Variants in MRAP2 observed in about 807,000 individuals in gnomAD.
MRAP2 encodes the protein melanocortin-2 receptor accessory protein 2.
Under a neutral mutation model 17.4 loss-of-function variants are expected in MRAP2, and 20 were observed. That is an observed-to-expected ratio of 1.15 (90% confidence interval 0.81 to 1.67). The LOEUF is 1.67. Ranked by LOEUF, MRAP2 falls within the 40% of genes most tolerant of loss-of-function variation. MRAP2 has a pLI of 0.00. For missense variants in MRAP2, 238 were observed against 240.0 expected, an observed-to-expected ratio of 0.99 and a Z score of 0.05; for synonymous variants, 96 against 88.4, an observed-to-expected ratio of 1.09 and a Z score of -0.48.
chr6:84,085,088 C>T (rs927029855), intron 3 of MRAP2, among the ~76,000 whole-genome samples: 9 of 151,818 alleles, frequency 5.9e-5, no homozygotes, highest in Admixed American at 2.0e-4. Flanking sequence ...CAGAGTCTCA[C>T]TCTGTCCCCA....
the MRAP2 span, among the ~76,000 whole-genome samples, chr6:84,144,304 C>T: frequency 6.6e-6 from 1 of 151,894 alleles, no homozygotes; most frequent in African/African-American, 2.4e-5. Context: ...AACAAATGTT[C>T]CAGAAGTTGT....
At chr6:84,120,265 T>G in the MRAP2 span, among the ~76,000 whole-genome samples, 1 of 152,204 alleles carries the variant, frequency 6.6e-6, no homozygotes, top group South Asian at 2.1e-4. Flanking sequence ...TGAGGATGGA[T>G]CTTCCTTACT....
At chr6:84,144,948 A>ATAAG in the MRAP2 span, among the ~76,000 whole-genome samples, 2 of 152,166 alleles carry the variant, frequency 1.3e-5, no homozygotes, top group Non-Finnish European at 2.9e-5. Context: ...AAATATTTGC[A>ATAAG]TAAGTTCAGT....
downstream of MRAP2, among the ~76,000 whole-genome samples, chr6:84,092,122 C>T (rs2099501872): frequency 6.6e-6 from 1 of 152,196 alleles, no homozygotes; most frequent in Non-Finnish European, 1.5e-5. Context: ...TTCCACTTTA[C>T]ATCTCTGTCT....
At chr6:84,125,019 C>T in the MRAP2 span, 1 of 1,348,090 alleles carries the variant, frequency 7.4e-7, no homozygotes, top group Non-Finnish European at 1.1e-6. Flanking sequence ...TGGCACAATC[C>T]CATCCATCTT....
At chr6:84,058,412 G>C (rs574721523) in intron 2 of MRAP2, among the ~76,000 whole-genome samples, 1 of 152,246 alleles carries the variant, frequency 6.6e-6, no homozygotes, top group Non-Finnish European at 1.5e-5. Context: ...TTTATGACCT[G>C]AGTAACTGGC....
chr6:84,137,881 C>T, the MRAP2 span, among the ~76,000 whole-genome samples: 2 of 152,108 alleles, frequency 1.3e-5, no homozygotes, highest in Non-Finnish European at 2.9e-5. Flanking sequence ...GGAAGAGGTG[C>T]TGGATCCTTA....
At chr6:84,112,360 A>T in the MRAP2 span, among the ~76,000 whole-genome samples, 1 of 152,024 alleles carries the variant, frequency 6.6e-6, no homozygotes, top group African/African-American at 2.4e-5. Flanking sequence ...GAAATTGTCC[A>T]TTTCTTCTTG....
chr6:84,140,103 A>C, the MRAP2 span, among the ~76,000 whole-genome samples: 1 of 152,142 alleles, frequency 6.6e-6, no homozygotes, highest in Non-Finnish European at 1.5e-5. Flanking sequence ...TGCCAGGTGC[A>C]GGGGCACAAG....
chr6:84,076,914 G>T (rs1296215587), intron 3 of MRAP2, among the ~76,000 whole-genome samples: 1 of 152,178 alleles, frequency 6.6e-6, no homozygotes, highest in Non-Finnish European at 1.5e-5. Context: ...CTATCCTTCT[G>T]TCTTGATTTG....
chr6:84,036,529 C>T (rs1411453301), intron 1 of MRAP2, among the ~76,000 whole-genome samples: 6 of 151,942 alleles, frequency 3.9e-5, no homozygotes, highest in South Asian at 4.2e-4. Flanking sequence ...TTTGTGGTCT[C>T]GCTGGCTTCA....
the MRAP2 span, among the ~76,000 whole-genome samples, chr6:84,117,132 C>T: frequency 6.6e-6 from 1 of 152,074 alleles, no homozygotes; most frequent in African/African-American, 2.4e-5. Flanking sequence ...AAGTGATTCC[C>T]CTATCTCAGC....
chr6:84,045,761 T>TA (rs34278166), intron 1 of MRAP2, among the ~76,000 whole-genome samples: 18 of 147,998 alleles, frequency 1.2e-4, no homozygotes, highest in East Asian at 4.0e-4. Context: ...GACTGTCTCA[T>TA]AAAAAAAAAA....
At chr6:84,141,362 T>A in the MRAP2 span, among the ~76,000 whole-genome samples, 1 of 152,158 alleles carries the variant, frequency 6.6e-6, no homozygotes, top group African/African-American at 2.4e-5. Flanking sequence ...AAGTCTAGTC[T>A]AAGCAAACAA....
intron 1 of MRAP2, among the ~76,000 whole-genome samples, chr6:84,047,394 T>A (rs2099489314): frequency 6.6e-6 from 1 of 151,878 alleles, no homozygotes; most frequent in Admixed American, 6.6e-5. Context: ...TTTTGCCAGG[T>A]TGACCAGGCT....
chr6:84,088,169 C>G (rs1588663917), intron 3 of MRAP2, among the ~76,000 whole-genome samples: 1 of 152,124 alleles, frequency 6.6e-6, no homozygotes, highest in African/African-American at 2.4e-5. Flanking sequence ...AGGTTCTGTT[C>G]TGGACTTGAA....
intron 3 of MRAP2, among the ~76,000 whole-genome samples, chr6:84,080,891 G>A (rs140089876): frequency 0.011 from 1,674 of 152,268 alleles, 30 homozygotes; most frequent in African/African-American, 0.037. Flanking sequence ...TTGTAACTAT[G>A]TGACCTGTTT....
chr6:84,124,223 G>A, the MRAP2 span: 2 of 151,624 alleles, frequency 1.3e-5, no homozygotes, highest in Admixed American at 1.3e-4. Context: ...TCTACCCAAA[G>A]GAACAGAAAT....
chr6:84,121,962 G>A, the MRAP2 span, among the ~76,000 whole-genome samples: 1 of 151,924 alleles, frequency 6.6e-6, no homozygotes, highest in Non-Finnish European at 1.5e-5. Context: ...AACTAAATGA[G>A]ACCAAAAAAT....
Sources: gnomAD v4.1 joint callset for allele counts (sites outside exome capture counted in the v4.1 genomes callset) on GRCh38, gnomAD v4.1.1 for gene constraint, MANE v1.5 for transcripts, NCBI Gene and HGNC (gene_info 2026-07-23, HGNC 2026-07-21) for gene names.